ANKRD36B: variants seen among roughly 807,000 people sequenced by gnomAD.
ANKRD36B encodes ankyrin repeat domain 36B.
A neutral mutation model predicts 135.7 loss-of-function variants in ANKRD36B; 37 were observed. The ratio of observed to expected loss-of-function variants is 0.27; its 90% CI spans 0.21 to 0.36. The LOEUF is 0.36. Among genes scored for constraint, ANKRD36B ranks in the 10% least tolerant of loss-of-function variants. The pLI, the probability that ANKRD36B is intolerant of heterozygous loss-of-function variation, is 1.00. For missense variants in ANKRD36B, 549 were observed against 1,037.1 expected (o/e 0.53, Z 6.46); for synonymous variants, 179 against 348.1 (o/e 0.51, Z 5.41).
At chr2:97,573,582 T>G (rs1283122136) in intron 6 of ANKRD36B, among the ~76,000 whole-genome samples, 3 of 152,010 alleles carry the variant, frequency 2.0e-5, no homozygotes, top group Admixed American at 6.6e-5. Flanking sequence ...CATCACCAAG[T>G]CAATCCTAAG....
At chr2:97,585,645 T>G (rs950400885) in intron 1 of ANKRD36B, among the ~76,000 whole-genome samples, 2 of 152,234 alleles carry the variant, frequency 1.3e-5, no homozygotes, top group African/African-American at 2.4e-5. Context: ...TTAGCCTTTC[T>G]TTGCTTCAAT....
rs554119195 is a variant in ANKRD36B at position 97,586,626 on chromosome 2, G to GA, written c.162-1229dup. On this transcript the variant is annotated intron_variant, in intron 1 of 43. Transcript: ENST00000359901. Reference sequence around the variant, plus strand: ...TACATACAGTTGGGAAGTTTATTGTGAAAAAAACTATAAATTAAAGCAGTG... The same window carrying GA: ...TACATACAGTTGGGAAGTTTATTGTGAAAAAAAACTATAAATTAAAGCAGTG... Among the ~76,000 whole-genome samples the GA allele has an allele frequency of 1.3e-3, 195 of 152,136 alleles. 1 individual carries two copies. Among genetic ancestry groups the GA allele is most frequent in the African/African-American group, 3.8e-3 (156 of 41,488 alleles).
chr2:97,536,282 C>T lies in ANKRD36B; in HGVS notation c.2191+18G>A, dbSNP rs1428414527. On this transcript the variant is annotated intron_variant, in intron 34 of 43. Coordinates refer to ENST00000359901, the MANE Select transcript of ANKRD36B (RefSeq NM_001393939.1). ...AATGTACTTCTTTCCAGAGTTAAAT[C>T]TACAATGCAAAGTTTACCTGGTGTG... The T allele has an allele frequency of 3.4e-6, 3 of 894,170 alleles. 1 individual carries two copies. Among genetic ancestry groups the T allele is most frequent in the Non-Finnish European group, 5.1e-6 (3 of 589,768 alleles). 55.4% of individuals were successfully genotyped at this position (894,170 alleles called of 1,614,324 possible). A position where few individuals can be genotyped will look rare whatever the true frequency, so the allele number is the denominator to read the frequency against.
chr2:97,546,919 C>CTAGG (rs2079522855), intron 22 of ANKRD36B, among the ~76,000 whole-genome samples: 1 of 151,596 alleles, frequency 6.6e-6, no homozygotes, highest in African/African-American at 2.4e-5. Context: ...CCAATTACAC[C>CTAGG]ATTGTTTCCT....
At chr2:97,546,732 T>C (rs1207444070) in intron 22 of ANKRD36B, among the ~76,000 whole-genome samples, 1 of 151,742 alleles carries the variant, frequency 6.6e-6, no homozygotes, top group Non-Finnish European at 1.5e-5. Context: ...GAGGACCATG[T>C]TATTCTCGAA....
chr2:97,576,410 T>A lies in ANKRD36B; in HGVS notation c.732A>T (p.Arg244Ser), dbSNP rs1184592480. 1 of 1,326,200 alleles carries A rather than the reference T, an allele frequency of 7.5e-7. No individual in the cohort carries two copies. The highest frequency in any genetic ancestry group is 2.4e-5 in the Admixed American group (1 of 42,252). 82.2% of individuals were successfully genotyped at this position (1,326,200 alleles called of 1,614,324 possible). The change falls in exon 6 of 44, where the codon AGA becomes AGT. Residue 244 changes from arginine (R) to serine (S), a missense_variant. Physicochemically the swap from Arg to Ser is moderately radical, Grantham distance 110. Coordinates refer to ENST00000359901, the MANE Select transcript of ANKRD36B (RefSeq NM_001393939.1). ...FDLIYEYKRK[R>S]YEDLPINSNP... The stretch of plus-strand genomic sequence containing the variant: ...TGCTATTTATAGGAAGATCTTCATA[T>A]CTCTTTCTTTTGTATTCATAAATTA...
chr2:97,547,830 G>C (rs1355208590), intron 20 of ANKRD36B, 99 bp from the exon 21 acceptor site: 5 of 1,480,824 alleles, frequency 3.4e-6, no homozygotes, highest in Non-Finnish European at 3.7e-6. Context: ...CTTCCTGCCT[G>C]TATTAGCATA....
chr2:97,523,670 C>T (rs1225125104), intron 35 of ANKRD36B, among the ~76,000 whole-genome samples: 1 of 82,112 alleles, frequency 1.2e-5, no homozygotes, highest in Admixed American at 1.1e-4. Context: ...TTCCCAGTTC[C>T]TATGCTATTT....
intron 3 of ANKRD36B, among the ~76,000 whole-genome samples, chr2:97,582,195 T>A (rs1462044450): frequency 6.6e-6 from 1 of 152,180 alleles, no homozygotes; most frequent in African/African-American, 2.4e-5. Context: ...ATACCATGAT[T>A]CACCTTAAAA....
At chr2:97,529,757 A>G (rs1440795353) in intron 35 of ANKRD36B, among the ~76,000 whole-genome samples, 1 of 93,810 alleles carries the variant, frequency 1.1e-5, no homozygotes, top group East Asian at 2.3e-4. Context: ...TTATACAACA[A>G]TAACAGACAA....
chr2:97,552,453 AAC>A (rs2080152429), intron 16 of ANKRD36B, among the ~76,000 whole-genome samples: 2 of 151,950 alleles, frequency 1.3e-5, no homozygotes, highest in South Asian at 4.1e-4. Context: ...TCATTTCTAT[AAC>A]TAAAATCAAC....
At chr2:97,571,921 C>T (rs1358076534) in intron 6 of ANKRD36B, among the ~76,000 whole-genome samples, 1 of 152,026 alleles carries the variant, frequency 6.6e-6, no homozygotes, top group Non-Finnish European at 1.5e-5. Context: ...CTTCTCCTCC[C>T]AAACAGTGGG....
chr2:97,555,234 C>G lies in ANKRD36B; in HGVS notation c.1090G>C (p.Ala364Pro), dbSNP rs775505185. The change falls in exon 13 of 44, where the codon GCC becomes CCC. Residue 364 changes from alanine (A) to proline (P), a missense_variant. Ala to Pro is a conservative substitution (Grantham distance 27). Transcript: ENST00000359901. ...AATGAGAATTTAATTACCTTTGAGG[C>G]TGGTTGTTTCTGAGAAGACACTGAA... ...SGTVSSQKQPASKTASDKTDS... is the reference protein window; with the variant it reads ...SGTVSSQKQPPSKTASDKTDS... 1.2e-6 allele frequency: 2 copies of G among 1,611,156 alleles called. No homozygotes were observed. Among genetic ancestry groups the G allele is most frequent in the African/African-American group, 1.3e-5 (1 of 74,818 alleles).
At chr2:97,553,669 G>C (rs539771810) in intron 14 of ANKRD36B, among the ~76,000 whole-genome samples, 5 of 152,050 alleles carry the variant, frequency 3.3e-5, no homozygotes, top group Non-Finnish European at 5.9e-5. Context: ...TGACAAATGC[G>C]ATCAAAAATC....
At chr2:97,534,055 C>CAA (rs764863325) in intron 34 of ANKRD36B, among the ~76,000 whole-genome samples, 1 of 40,778 alleles carries the variant, frequency 2.5e-5, no homozygotes, top group African/African-American at 6.7e-5. Flanking sequence ...GACTCCATCT[C>CAA]AAAAAAAAAA....
At chr2:97,548,860 G>A (rs1296786105) in intron 20 of ANKRD36B, among the ~76,000 whole-genome samples, 1 of 151,846 alleles carries the variant, frequency 6.6e-6, no homozygotes, top group Non-Finnish European at 1.5e-5. Context: ...TATTCCAAAT[G>A]CATCTGAAGT....
chr2:97,561,297 C>T (rs1234133498), intron 6 of ANKRD36B, among the ~76,000 whole-genome samples: 5 of 151,844 alleles, frequency 3.3e-5, no homozygotes, highest in Non-Finnish European at 7.4e-5. Context: ...ATTCATCATG[C>T]TTTTTAACTT....
In ANKRD36B at chr2:97,544,970, A is replaced by G. The variant is rs2079333644; in HGVS notation, c.1681+696T>C. ...GTTTTATAACTAAAATCAACAAAAC[A>G]TGTATCTCTGATGCCTAATAGTAAA... On this transcript the variant is annotated intron_variant, in intron 24 of 43. Coordinates refer to ENST00000359901, the MANE Select transcript of ANKRD36B (RefSeq NM_001393939.1). 2.1e-5 allele frequency among the ~76,000 whole-genome samples: 2 copies of G among 95,568 alleles called. 1 individual carries two copies. Among genetic ancestry groups the G allele is most frequent in the Non-Finnish European group, 5.6e-5 (2 of 35,710 alleles). The allele number at this position is 95,568 out of a possible 152,430, so 62.7% of individuals were successfully genotyped here.
At chr2:97,552,753 A>G (rs929282722) in intron 16 of ANKRD36B, among the ~76,000 whole-genome samples, 5 of 151,842 alleles carry the variant, frequency 3.3e-5, no homozygotes, top group African/African-American at 1.2e-4. Flanking sequence ...CTCATTCTAC[A>G]GTGTTTATGG....
Sources: allele counts gnomAD v4.1 joint callset (sites outside exome capture counted in the v4.1 genomes callset), GRCh38; gene constraint gnomAD v4.1.1; transcripts MANE v1.5; gene names NCBI Gene and HGNC (gene_info 2026-07-23, HGNC 2026-07-21).